TBC1D22A: variants seen among roughly 807,000 people sequenced by gnomAD.
The protein encoded by TBC1D22A is TBC1 domain family member 22A, also known as putative GTPase activator.
Under a neutral mutation model 60.2 loss-of-function variants are expected in TBC1D22A, and 38 were observed. The observed-to-expected ratio is 0.63, with a 90% CI of 0.49 to 0.83. The LOEUF (loss-of-function observed/expected upper bound fraction) is 0.83, where lower values mean the gene tolerates loss of function less well. TBC1D22A is among the 40% of genes least tolerant of loss of function. The pLI is 0.00. For synonymous variants in TBC1D22A, 302 were observed against 281.7 expected (o/e 1.07, Z -0.72); for missense variants, 628 against 701.0 (o/e 0.90, Z 1.18).
intron 4 of TBC1D22A, among the ~76,000 whole-genome samples, chr22:46,828,384 C>G (rs2086162037): frequency 6.6e-6 from 1 of 152,262 alleles, no homozygotes; most frequent in Non-Finnish European, 1.5e-5. Context: ...CATTCTGGTT[C>G]TAACAACATG....
At chr22:47,109,290 G>A (rs1298492526) in intron 11 of TBC1D22A, among the ~76,000 whole-genome samples, 1 of 152,178 alleles carries the variant, frequency 6.6e-6, no homozygotes, top group Non-Finnish European at 1.5e-5. Flanking sequence ...CTGTCATAAT[G>A]GGAGTTTTGA....
chr22:46,970,174 T>A (rs2073989942), intron 8 of TBC1D22A, among the ~76,000 whole-genome samples: 1 of 151,986 alleles, frequency 6.6e-6, no homozygotes, highest in Non-Finnish European at 1.5e-5. Flanking sequence ...AAGAAATCTC[T>A]AAGCCCAGAT....
intron 11 of TBC1D22A, among the ~76,000 whole-genome samples, chr22:47,105,313 T>C (rs1477692242): frequency 6.6e-6 from 1 of 152,174 alleles, no homozygotes; most frequent in Non-Finnish European, 1.5e-5. Flanking sequence ...CCCTCCTGTT[T>C]TTGGTATGAA....
chr22:47,090,002 C>T (rs1042508985), intron 11 of TBC1D22A, among the ~76,000 whole-genome samples: 5 of 152,254 alleles, frequency 3.3e-5, no homozygotes, highest in African/African-American at 9.6e-5. Flanking sequence ...GGAACTTTGG[C>T]GTGGCATTCG....
At chr22:46,846,361 T>C (rs537113557) in intron 4 of TBC1D22A, among the ~76,000 whole-genome samples, 1 of 152,332 alleles carries the variant, frequency 6.6e-6, no homozygotes, top group South Asian at 2.1e-4. Context: ...TCACCTATGC[T>C]TTCCGTCTTT....
At chr22:46,828,920 A>G (rs1452824203) in intron 4 of TBC1D22A, among the ~76,000 whole-genome samples, 1 of 152,114 alleles carries the variant, frequency 6.6e-6, no homozygotes, top group Non-Finnish European at 1.5e-5. Context: ...CATACTTGAA[A>G]CGACCTACAT....
chr22:46,808,980 GA>G (rs1479140716), intron 4 of TBC1D22A, among the ~76,000 whole-genome samples: 1 of 152,240 alleles, frequency 6.6e-6, no homozygotes, highest in Non-Finnish European at 1.5e-5. Context: ...CTAAAGAGAA[GA>G]AGTTCAAGTT....
At chr22:46,920,680 G>A (rs1043356947) in intron 8 of TBC1D22A, among the ~76,000 whole-genome samples, 1 of 152,170 alleles carries the variant, frequency 6.6e-6, no homozygotes, top group Non-Finnish European at 1.5e-5. Context: ...CCTACAGAAA[G>A]TTTTTGTGTT....
rs113267136 is a variant in TBC1D22A, at chr22:46,865,802, C to T, written c.638-12851C>T. Reference sequence around the variant, plus strand: ...TTTTTGCTTACTCTTTGTTCTGGGGCGTAAAGATACTATTGAAAATGCCAA... The same window carrying T: ...TTTTTGCTTACTCTTTGTTCTGGGGTGTAAAGATACTATTGAAAATGCCAA... On this transcript the variant is annotated intron_variant, in intron 4 of 12. Coordinates refer to ENST00000337137, the MANE Select transcript of TBC1D22A (RefSeq NM_014346.5). Among the ~76,000 whole-genome samples the T allele has an allele frequency of 4.0e-3, 616 of 152,210 alleles. 7 individuals carry two copies. Among genetic ancestry groups the T allele is most frequent in the African/African-American group, 0.013 (553 of 41,506 alleles).
chr22:46,963,240 AT>A (rs1173924765), intron 8 of TBC1D22A, among the ~76,000 whole-genome samples: 3 of 94,848 alleles, frequency 3.2e-5, no homozygotes, highest in African/African-American at 1.3e-4. Context: ...AAAAAAAAAA[AT>A]CAGTGCCTGA....
rs73891005 is a variant in TBC1D22A, at chr22:46,811,963, G to A, written c.637+14343G>A. On this transcript the variant is annotated intron_variant, in intron 4 of 12. Coordinates refer to ENST00000337137, the MANE Select transcript of TBC1D22A (RefSeq NM_014346.5). ...GACCGTCCAGCTACTTAATCCCGCC[G>A]TAGCCTCAGTTTCCCTACCAGTAAA... 1.8e-3 allele frequency among the ~76,000 whole-genome samples: 272 copies of A among 152,158 alleles called. 2 individuals are homozygous for A. The highest frequency in any genetic ancestry group is 6.0e-3 in the African/African-American group (249 of 41,520).
At chr22:47,024,749 C>T (rs543322769) in intron 10 of TBC1D22A, among the ~76,000 whole-genome samples, 30 of 151,842 alleles carry the variant, frequency 2.0e-4, no homozygotes, top group Admixed American at 3.3e-4. Flanking sequence ...CCTAGCCACG[C>T]GGGAGGCTGA....
chr22:46,869,471 C>T (rs545507648), intron 4 of TBC1D22A, among the ~76,000 whole-genome samples: 5 of 152,258 alleles, frequency 3.3e-5, no homozygotes, highest in South Asian at 2.1e-4. Flanking sequence ...GATTGGCACC[C>T]GCCAATGGGA....
At chr22:47,022,663 C>T (rs1197242896) in intron 10 of TBC1D22A, among the ~76,000 whole-genome samples, 2 of 152,130 alleles carry the variant, frequency 1.3e-5, no homozygotes, top group Non-Finnish European at 1.5e-5. Flanking sequence ...TGGGGAAGAA[C>T]CGCTTGAAAT....
intron 7 of TBC1D22A, among the ~76,000 whole-genome samples, chr22:46,904,109 A>ATCTGTCTGTCTG (rs1176935651): frequency 7.6e-5 from 5 of 65,616 alleles, no homozygotes; most frequent in East Asian, 4.2e-4. Context: ...CTATCTATCT[A>ATCTGTCTGTCTG]TCTATCTATC....
chr22:46,924,770 T>A (rs957440845), intron 8 of TBC1D22A, among the ~76,000 whole-genome samples: 1 of 151,616 alleles, frequency 6.6e-6, no homozygotes, highest in South Asian at 2.1e-4. Context: ...AACAAAAACA[T>A]TATATTCCTG....
intron 11 of TBC1D22A, among the ~76,000 whole-genome samples, chr22:47,068,140 T>G (rs1417781222): frequency 1.3e-5 from 2 of 152,270 alleles, no homozygotes; most frequent in Non-Finnish European, 2.9e-5. Flanking sequence ...TTTTCTTCTT[T>G]GGCAAACCAG....
intron 12 of TBC1D22A, among the ~76,000 whole-genome samples, chr22:47,152,804 C>T (rs572154174): frequency 3.9e-5 from 6 of 152,254 alleles, no homozygotes; most frequent in Non-Finnish European, 7.4e-5. Flanking sequence ...AGAGGAGGGA[C>T]GGGGTCCAGA....
intron 12 of TBC1D22A, among the ~76,000 whole-genome samples, chr22:47,131,510 C>T (rs967415604): frequency 1.3e-5 from 2 of 152,228 alleles, no homozygotes; most frequent in African/African-American, 2.4e-5. Flanking sequence ...GTTCCCCCTG[C>T]CCCCTGTGGG....
Sources: allele counts gnomAD v4.1 joint callset (sites outside exome capture counted in the v4.1 genomes callset), GRCh38; gene constraint gnomAD v4.1.1; transcripts MANE v1.5; gene names NCBI Gene and HGNC (gene_info 2026-07-23, HGNC 2026-07-21).